GSE1: variants seen among roughly 807,000 people sequenced by gnomAD.
GSE1 encodes the protein genetic suppressor element 1.
A neutral mutation model predicts 112.6 loss-of-function variants in GSE1; 32 were observed. The observed-to-expected ratio is 0.28, with a 90% CI of 0.21 to 0.38. The LOEUF (loss-of-function observed/expected upper bound fraction) is 0.38, where lower values mean the gene tolerates loss of function less well. Ranked by LOEUF, GSE1 falls within the 10% of genes least tolerant of loss-of-function variation. GSE1 has a pLI of 1.00. For synonymous variants in GSE1, 1,115 were observed against 735.6 expected (o/e 1.52, Z -8.35); for missense variants, 2,348 against 1,699.2 (o/e 1.38, Z -6.71).
At chr16:85,351,512 G>A (rs948919327) in intron 1 of GSE1, among the ~76,000 whole-genome samples, 18 of 152,042 alleles carry the variant, frequency 1.2e-4, no homozygotes, top group Admixed American at 2.0e-4. Context: ...GCAGGGCCTG[G>A]AAGGATGGGG....
At chr16:85,638,729 C>T (rs1408071141) in intron 2 of GSE1, among the ~76,000 whole-genome samples, 1 of 149,568 alleles carries the variant, frequency 6.7e-6, no homozygotes, top group African/African-American at 2.5e-5. Context: ...CCACCTCCTA[C>T]GTGCCTCCCC....
chr16:85,225,922 C>T (rs866041754), intron 1 of GSE1, among the ~76,000 whole-genome samples: 4 of 152,160 alleles, frequency 2.6e-5, no homozygotes, highest in African/African-American at 9.7e-5. Flanking sequence ...CATCTGAAGG[C>T]TCTGCTGGGG....
Position 85,654,921 on chromosome 16 carries a change from C to G in GSE1, c.727C>G (p.Pro243Ala). The G allele has an allele frequency of 6.2e-7, 1 of 1,611,554 alleles. No homozygotes were observed. Among genetic ancestry groups the G allele is most frequent in the Non-Finnish European group, 8.5e-7 (1 of 1,179,608 alleles). ...CTCACTGCCTCCCCTCGGCCTGGAC[C>G]CGGCCACTGCTGCAGCCTACTACCA... ...MSSLPPLGLD[P>A]ATAAAYYHPS... Residue 243 changes from proline to alanine, a missense_variant, in exon 5 of 16, where the codon CCG (proline) becomes GCG (alanine). Transcript: ENST00000253458.
chr16:85,255,607 G>A (rs992877952), intron 1 of GSE1, among the ~76,000 whole-genome samples: 1 of 151,976 alleles, frequency 6.6e-6, no homozygotes, highest in African/African-American at 2.4e-5. Context: ...GTTTCACCAT[G>A]TTGGCAAGGC....
Position 85,203,286 on chromosome 16 carries a change from C to T in GSE1, c.2283+31479C>T, listed in dbSNP as rs191164757. ...CCTGCAACAGCTTCGCAGGGCATAG[C>T]GCCAGGCTGGGCAGGTGGGGTCCTG... is the stretch of plus-strand genomic sequence containing the variant. On this transcript the variant is annotated intron_variant, in intron 1 of 2. Transcript: ENST00000637419. Among the ~76,000 whole-genome samples the T allele has an allele frequency of 5.7e-3, 873 of 152,266 alleles. 1 individual carries two copies. The highest frequency in any genetic ancestry group is 9.1e-3 in the Non-Finnish European group (621 of 68,012).
rs189738412 is a variant in GSE1, at chr16:85,234,983, A to G, written c.2283+63176A>G. Among the ~76,000 whole-genome samples the G allele has an allele frequency of 6.6e-5, 10 of 152,064 alleles. No homozygotes were observed. The South Asian group carries it at 8.3e-4, about 13-fold the overall frequency. On this transcript the variant is annotated intron_variant, in intron 1 of 2. Coordinates refer to the GSE1 transcript ENST00000637419. The stretch of plus-strand genomic sequence containing the variant: ...ACCCGGATACTAGAGAGAGAGGCCA[A>G]TCTGGGCCCTGATCCCCCTCCTGGC...
chr16:85,498,840 A>C (rs559740661), intron 2 of GSE1, among the ~76,000 whole-genome samples: 1 of 152,248 alleles, frequency 6.6e-6, no homozygotes, highest in Non-Finnish European at 1.5e-5. Context: ...TGTCTGGCCC[A>C]GCCACCCTTC....
At chr16:85,191,400 A>G (rs1051560304) in intron 1 of GSE1, among the ~76,000 whole-genome samples, 4 of 152,210 alleles carry the variant, frequency 2.6e-5, no homozygotes, top group Admixed American at 2.6e-4. Context: ...ACCGCTGTCT[A>G]ATCTTAGAAA....
chr16:85,603,122 G>A (rs561490187), intron 1 of GSE1, among the ~76,000 whole-genome samples: 2 of 152,366 alleles, frequency 1.3e-5, no homozygotes, highest in African/African-American at 2.4e-5. Flanking sequence ...CAGAGCTCAC[G>A]AGGCAGCAAG....
In GSE1 at chr16:85,438,554, GA is replaced by G. The variant is rs903811322; in HGVS notation, c.2464+80914del. 2.5e-4 allele frequency among the ~76,000 whole-genome samples: 38 copies of G among 152,286 alleles called. 2 individuals carry two copies. Among genetic ancestry groups the G allele is most frequent in the African/African-American group, 8.9e-4 (37 of 41,554 alleles). On this transcript the variant is annotated intron_variant, in intron 2 of 2. Transcript: ENST00000637419. ...GTCAGCCTCTTCTTTTACAGATGGG[GA>G]AACTGAGACCCACAGCAGTGGAGTC... is the stretch of plus-strand genomic sequence containing the variant.
At chr16:85,630,026 C>G (rs192984326) in intron 1 of GSE1, among the ~76,000 whole-genome samples, 1 of 152,148 alleles carries the variant, frequency 6.6e-6, no homozygotes, top group African/African-American at 2.4e-5. Flanking sequence ...GCTGGGGCTG[C>G]GGTCTCATCA....
chr16:85,437,210 C>CCCG (rs1223662275), intron 2 of GSE1, among the ~76,000 whole-genome samples: 1 of 152,178 alleles, frequency 6.6e-6, no homozygotes, highest in African/African-American at 2.4e-5. Flanking sequence ...GCCTCCGCCG[C>CCCG]CGGGCTCCCC....
chr16:85,332,488 G>A (rs7196227), intron 1 of GSE1, among the ~76,000 whole-genome samples: 3 of 151,992 alleles, frequency 2.0e-5, no homozygotes, highest in African/African-American at 7.3e-5. Context: ...CTTCCCCAAG[G>A]TCACACAGCG....
intron 1 of GSE1, among the ~76,000 whole-genome samples, chr16:85,222,918 G>A (rs1381068677): frequency 1.3e-5 from 2 of 152,142 alleles, no homozygotes; most frequent in African/African-American, 4.8e-5. Context: ...TGCAAAAGAG[G>A]AACATAAAAA....
intron 2 of GSE1, among the ~76,000 whole-genome samples, chr16:85,367,584 A>C (rs1449363925): frequency 1.3e-5 from 2 of 152,194 alleles, no homozygotes; most frequent in African/African-American, 4.8e-5. Context: ...GCAGAGGCCT[A>C]AGGAGGTGGC....
intron 2 of GSE1, among the ~76,000 whole-genome samples, chr16:85,484,414 CCAA>C (rs1208022402): frequency 2.1e-4 from 32 of 152,258 alleles, no homozygotes; most frequent in Non-Finnish European, 1.5e-5. Context: ...AATTATCCCT[CCAA>C]AACCCAGACC....
At chr16:85,528,638 TTTTTGTTTTGTTTTGTTTTG>T (rs71151301) in intron 2 of GSE1, among the ~76,000 whole-genome samples, 44 of 145,194 alleles carry the variant, frequency 3.0e-4, no homozygotes, top group African/African-American at 1.1e-3. Flanking sequence ...GGATTGCTGT[TTTTTGTTTTGTTTTGTTTTG>T]TTTTGTTTTG....
At chr16:85,553,417 G>C (rs2045033020), upstream of GSE1, among the ~76,000 whole-genome samples, 1 of 151,738 alleles carries the variant, frequency 6.6e-6, no homozygotes, top group African/African-American at 2.4e-5. Context: ...GTCAGCGCGG[G>C]GCGGAGCAGC....
intron 2 of GSE1, among the ~76,000 whole-genome samples, chr16:85,481,043 C>T (rs935588356): frequency 6.6e-6 from 1 of 152,204 alleles, no homozygotes; most frequent in Non-Finnish European, 1.5e-5. Flanking sequence ...CTCTCTGGGC[C>T]GCTCGGCCTC....
Sources: allele counts gnomAD v4.1 joint callset (sites outside exome capture counted in the v4.1 genomes callset), GRCh38; gene constraint gnomAD v4.1.1; transcripts MANE v1.5; gene names NCBI Gene and HGNC (gene_info 2026-07-23, HGNC 2026-07-21).